Variants in FIRRM observed in about 807,000 individuals in gnomAD.
The protein encoded by FIRRM is FIGNL1 interacting regulator of recombination and mitosis, also known as FIGNL1-interacting regulator of recombination and mitosis.
chr1:169,847,810 T>A, the FIRRM span: 1 of 1,506,218 alleles, frequency 6.6e-7, no homozygotes, highest in Non-Finnish European at 9.2e-7. Context: ...CCAGGTAATA[T>A]TGCTTAACTC....
At chr1:169,803,575 C>T in the FIRRM span, among the ~76,000 whole-genome samples, 1 of 152,108 alleles carries the variant, frequency 6.6e-6, no homozygotes, top group Non-Finnish European at 1.5e-5. Flanking sequence ...TTGAGACAGA[C>T]ACAGGGATCC....
the FIRRM span, chr1:169,849,525 G>A: frequency 1.9e-6 from 3 of 1,613,944 alleles, no homozygotes; most frequent in South Asian, 1.1e-5. Context: ...AACCTGTCCT[G>A]TATGTTTGCC....
chr1:169,810,648 A>G, the FIRRM span, among the ~76,000 whole-genome samples: 2 of 151,860 alleles, frequency 1.3e-5, no homozygotes, highest in Non-Finnish European at 1.5e-5. Context: ...CTATTTCCAA[A>G]TAAGGCCACA....
chr1:169,849,480 A>G, the FIRRM span: 1 of 1,566,804 alleles, frequency 6.4e-7, no homozygotes, highest in Non-Finnish European at 8.7e-7. Flanking sequence ...CTCTATTATA[A>G]TAAGGCTTGG....
chr1:169,793,460 A>G, the FIRRM span: 1 of 1,614,150 alleles, frequency 6.2e-7, no homozygotes, highest in Non-Finnish European at 8.5e-7. Flanking sequence ...GGCTGCACTG[A>G]GTGGACTGTC....
chr1:169,850,426 G>C, the FIRRM span: 2 of 923,858 alleles, frequency 2.2e-6, no homozygotes, highest in Non-Finnish European at 3.4e-6. Flanking sequence ...ACCAACCTGA[G>C]TGTCTTCTTA....
the FIRRM span, among the ~76,000 whole-genome samples, chr1:169,821,081 T>C: frequency 6.6e-6 from 1 of 152,190 alleles, no homozygotes; most frequent in Non-Finnish European, 1.5e-5. Context: ...TATTTTATGC[T>C]CCCACCAATG....
the FIRRM span, chr1:169,836,988 T>G: frequency 3.7e-6 from 6 of 1,613,672 alleles, no homozygotes; most frequent in Non-Finnish European, 5.1e-6. Flanking sequence ...TGGCAACATA[T>G]TTCCTTCCAG....
the FIRRM span, among the ~76,000 whole-genome samples, chr1:169,825,222 G>C: frequency 6.6e-6 from 1 of 152,300 alleles, no homozygotes; most frequent in South Asian, 2.1e-4. Flanking sequence ...CCACAAAGTA[G>C]CCAAAGTAAA....
the FIRRM span, among the ~76,000 whole-genome samples, chr1:169,837,626 G>A: frequency 6.6e-6 from 1 of 152,144 alleles, no homozygotes; most frequent in Non-Finnish European, 1.5e-5. Flanking sequence ...GTGTTCATAT[G>A]CTCATTCATT....
At chr1:169,847,334 AAAAAAAGC>A in the FIRRM span, among the ~76,000 whole-genome samples, 7 of 151,418 alleles carry the variant, frequency 4.6e-5, no homozygotes, top group Non-Finnish European at 1.0e-4. Flanking sequence ...AAAAAAAAAA[AAAAAAAGC>A]AGTATCTTCA....
chr1:169,828,725 T>A, the FIRRM span, among the ~76,000 whole-genome samples: 3 of 152,054 alleles, frequency 2.0e-5, no homozygotes, highest in African/African-American at 4.8e-5. Context: ...ATTTTTAAAT[T>A]TTTTCTAGGG....
the FIRRM span, among the ~76,000 whole-genome samples, chr1:169,797,073 C>T: frequency 6.6e-6 from 1 of 152,192 alleles, no homozygotes; most frequent in Non-Finnish European, 1.5e-5. Flanking sequence ...TTGCAAAGTT[C>T]ATAAAGGCAG....
At chr1:169,853,240 CAAAT>C in the FIRRM span, 38 of 458,886 alleles carry the variant, frequency 8.3e-5, no homozygotes, top group African/African-American at 3.2e-4. Flanking sequence ...TAACTGTAAA[CAAAT>C]AAATAAGCTG....
At chr1:169,827,107 TAGC>T in the FIRRM span, 1 of 1,613,760 alleles carries the variant, frequency 6.2e-7, no homozygotes, top group African/African-American at 1.3e-5. Context: ...CAAGAGGAAA[TAGC>T]AGGTGCTTTC....
chr1:169,826,498 G>T, the FIRRM span, among the ~76,000 whole-genome samples: 1 of 151,904 alleles, frequency 6.6e-6, no homozygotes, highest in African/African-American at 2.4e-5. Flanking sequence ...GAGTAGCTGG[G>T]ATTACAGGCA....
At chr1:169,818,310 G>A in the FIRRM span, among the ~76,000 whole-genome samples, 3 of 152,122 alleles carry the variant, frequency 2.0e-5, no homozygotes, top group African/African-American at 7.2e-5. Flanking sequence ...ATAGCTAGGG[G>A]GCATGGCTAA....
chr1:169,852,134 TTCAG>T, the FIRRM span: 26 of 664,566 alleles, frequency 3.9e-5, no homozygotes, highest in Non-Finnish European at 6.3e-5. Context: ...AATATATTCT[TTCAG>T]TATGTTTGAA....
chr1:169,784,286 G>A, the FIRRM span, among the ~76,000 whole-genome samples: 6 of 152,100 alleles, frequency 3.9e-5, no homozygotes, highest in Admixed American at 3.9e-4. Context: ...TTGCACTCTT[G>A]CCAACCCTGT....
Sources: allele counts gnomAD v4.1 joint callset (sites outside exome capture counted in the v4.1 genomes callset), GRCh38; gene constraint gnomAD v4.1.1; transcripts MANE v1.5; gene names NCBI Gene and HGNC (gene_info 2026-07-23, HGNC 2026-07-21).